STPG1: variants seen among roughly 807,000 people sequenced by gnomAD.
The protein encoded by STPG1 is sperm tail PG-rich repeat containing 1.
In STPG1, 33 loss-of-function variants were observed where a neutral mutation model predicts 40.1. That is an observed-to-expected ratio of 0.82 (90% CI 0.62 to 1.10). The LOEUF (loss-of-function observed/expected upper bound fraction) is 1.10. Ranked by LOEUF, STPG1 falls within the 50% of genes least tolerant of loss-of-function variation. The pLI, the probability that STPG1 is intolerant of heterozygous loss-of-function variation, is 0.00. For synonymous variants in STPG1, 150 were observed against 155.0 expected (o/e 0.97, Z 0.24); for missense variants, 396 against 415.1 (o/e 0.95, Z 0.40).
intron 2 of STPG1, among the ~76,000 whole-genome samples, chr1:24,400,235 G>A (rs187254741): frequency 6.6e-6 from 1 of 152,304 alleles, no homozygotes; most frequent in East Asian, 1.9e-4. Flanking sequence ...TTAAATCTCT[G>A]AAACATAAGC....
chr1:24,385,768 G>A (rs993033677), intron 3 of STPG1, among the ~76,000 whole-genome samples: 1 of 152,180 alleles, frequency 6.6e-6, no homozygotes, highest in African/African-American at 2.4e-5. Flanking sequence ...ACCGGGTTAT[G>A]AATCAGAAAT....
chr1:24,413,201 C>A (rs559361051), intron 1 of STPG1, among the ~76,000 whole-genome samples: 2 of 152,342 alleles, frequency 1.3e-5, no homozygotes, highest in African/African-American at 2.4e-5. Flanking sequence ...GGGCTAGTGA[C>A]CACCAGGTTC....
intron 6 of STPG1, among the ~76,000 whole-genome samples, chr1:24,371,394 C>A (rs1171232025): frequency 6.6e-6 from 1 of 151,950 alleles, no homozygotes; most frequent in Non-Finnish European, 1.5e-5. Flanking sequence ...TTGAGACCAG[C>A]CTGACCAATA....
chr1:24,390,399 A>G (rs520206), intron 3 of STPG1, among the ~76,000 whole-genome samples: 29,430 of 152,106 alleles, frequency 0.19, 3,240 homozygotes, highest in East Asian at 0.29. Flanking sequence ...TGACACAGGA[A>G]TATGATAACA....
At chr1:24,372,206 A>G (rs12038114) in intron 6 of STPG1, among the ~76,000 whole-genome samples, 1 of 151,934 alleles carries the variant, frequency 6.6e-6, no homozygotes, top group African/African-American at 2.4e-5. Flanking sequence ...CAAAACAAAA[A>G]CAAAAAAATC....
At chr1:24,389,863 G>C (rs752797582) in intron 3 of STPG1, among the ~76,000 whole-genome samples, 2 of 152,204 alleles carry the variant, frequency 1.3e-5, no homozygotes, top group Non-Finnish European at 2.9e-5. Context: ...ACCTACAAGT[G>C]ATTTAAAACT....
At chr1:24,361,617 A>G (rs536577) in intron 7 of STPG1, among the ~76,000 whole-genome samples, 108,867 of 151,848 alleles carry the variant, frequency 0.72, 39,230 homozygotes, top group East Asian at 0.87. Flanking sequence ...ACTAAATATC[A>G]TCCTGGGGAG....
At chr1:24,385,060 C>T (rs997377060) in intron 3 of STPG1, among the ~76,000 whole-genome samples, 2 of 152,174 alleles carry the variant, frequency 1.3e-5, no homozygotes, top group Admixed American at 6.5e-5. Context: ...GACAGCCCGA[C>T]TCCAGAGCTT....
intron 6 of STPG1, among the ~76,000 whole-genome samples, 185 bp downstream of exon 6, chr1:24,373,517 G>A (rs1385882822): frequency 6.6e-6 from 1 of 152,186 alleles, no homozygotes; most frequent in Admixed American, 6.5e-5. Context: ...GCCAGCCATT[G>A]TCCTCCTGGT....
intron 2 of STPG1, among the ~76,000 whole-genome samples, chr1:24,398,992 G>C (rs1643113771): frequency 6.6e-6 from 1 of 151,972 alleles, no homozygotes; most frequent in Non-Finnish European, 1.5e-5. Context: ...TGTAAAATTT[G>C]TATAGCTACC....
chr1:24,365,821 C>T (rs1641420331), intron 7 of STPG1, among the ~76,000 whole-genome samples: 1 of 152,212 alleles, frequency 6.6e-6, no homozygotes, highest in Non-Finnish European at 1.5e-5. Flanking sequence ...CCTCCCTTCC[C>T]CCAGGCCCAC....
intron 2 of STPG1, chr1:24,401,111 C>G: frequency 2.2e-6 from 1 of 444,832 alleles, no homozygotes; most frequent in Non-Finnish European, 4.0e-6. Context: ...TTTTAACAGA[C>G]TTCCTCCTTC....
At chr1:24,363,128 C>T (rs1353131377) in intron 7 of STPG1, among the ~76,000 whole-genome samples, 3 of 152,196 alleles carry the variant, frequency 2.0e-5, no homozygotes, top group Non-Finnish European at 4.4e-5. Flanking sequence ...CCAAGATTCC[C>T]ACCCTGTTCT....
At chr1:24,391,999 A>G (rs1322572677) in intron 2 of STPG1, 3 of 1,062,912 alleles carry the variant, frequency 2.8e-6, no homozygotes, top group Non-Finnish European at 3.4e-6. Flanking sequence ...GGAGACAGCA[A>G]AACTATTCTG....
At chr1:24,379,587 T>C in intron 5 of STPG1, 66 bp downstream of exon 5, 1 of 1,555,954 alleles carries the variant, frequency 6.4e-7, no homozygotes, top group South Asian at 1.1e-5. Flanking sequence ...CAAGATCCCC[T>C]CTTCCTTTTA....
intron 1 of STPG1, among the ~76,000 whole-genome samples, chr1:24,410,233 T>C (rs1643563449): frequency 6.6e-6 from 1 of 152,178 alleles, no homozygotes; most frequent in Non-Finnish European, 1.5e-5. Context: ...CCCCCTTGAA[T>C]AAGGGAGGAC....
At chr1:24,395,166 G>GA (rs201776191) in intron 2 of STPG1, among the ~76,000 whole-genome samples, 139 of 145,858 alleles carry the variant, frequency 9.5e-4, no homozygotes, top group African/African-American at 2.5e-3. Flanking sequence ...GCAATAAAAG[G>GA]AAAAAAAAAA....
chr1:24,372,181 AAAAACAAAAC>A (rs573718589), intron 6 of STPG1, among the ~76,000 whole-genome samples: 2 of 152,284 alleles, frequency 1.3e-5, no homozygotes, highest in East Asian at 1.9e-4. Flanking sequence ...CCATCTCCAA[AAAAACAAAAC>A]AAAACAAAAC....
intron 1 of STPG1, among the ~76,000 whole-genome samples, chr1:24,412,280 C>G (rs1643719884): frequency 6.6e-6 from 1 of 152,228 alleles, no homozygotes; most frequent in Non-Finnish European, 1.5e-5. Context: ...TATCTCCTTG[C>G]TGCATGGGGA....
Sources: gnomAD v4.1 joint callset for allele counts (sites outside exome capture counted in the v4.1 genomes callset) on GRCh38, gnomAD v4.1.1 for gene constraint, MANE v1.5 for transcripts, NCBI Gene and HGNC (gene_info 2026-07-23, HGNC 2026-07-21) for gene names.